ALOX12B: variants seen among roughly 807,000 people sequenced by gnomAD.
ALOX12B encodes arachidonate 12-lipoxygenase, 12R-type.
Under a neutral mutation model 78.9 loss-of-function variants are expected in ALOX12B, and 47 were observed. The observed-to-expected ratio is 0.60, with a 90% confidence interval of 0.47 to 0.76. The LOEUF is 0.76. ALOX12B is among the 30% of genes least tolerant of loss of function. The pLI is 0.00. For synonymous variants in ALOX12B, 370 were observed against 374.5 expected (o/e 0.99, Z 0.14); for missense variants, 805 against 922.6 (o/e 0.87, Z 1.65).
rs150272126 is a variant in ALOX12B at position 8,076,701 on chromosome 17, T to C, written c.1318A>G (p.Ile440Val). ...HTRYTVQINSIGRAVLLNEGG... is the reference protein window; with the variant it reads ...HTRYTVQINSVGRAVLLNEGG... ...TCATTGAGGAGAACGGCCCGGCCAA[T>C]GCTGTTGATCTGGACGGTGTATCGG... Residue 440 changes from isoleucine to valine, a missense_variant, in exon 10 of 15, where the codon ATT becomes GTT. Coordinates refer to ENST00000647874, the MANE Select transcript of ALOX12B (RefSeq NM_001139.3). The C allele has an allele frequency of 6.4e-7, 1 of 1,550,982 alleles. No homozygotes were observed. Among genetic ancestry groups the C allele is most frequent in the Non-Finnish European group, 8.7e-7 (1 of 1,147,096 alleles).
At chr17:8,075,855 G>A in intron 11 of ALOX12B, 139 bp from the exon 12 acceptor site, 1 of 1,410,800 alleles carries the variant, frequency 7.1e-7, no homozygotes, top group South Asian at 1.2e-5. Context: ...AAGTCCTGTG[G>A]GGCAGAAGTG....
chr17:8,076,701 T>A lies in ALOX12B; in HGVS notation c.1318A>T (p.Ile440Phe), dbSNP rs150272126. Residue 440 changes from isoleucine to phenylalanine, a missense_variant, in exon 10 of 15, where the codon ATT becomes TTT. Physicochemically the swap from Ile to Phe is conservative, Grantham distance 21. Coordinates refer to ENST00000647874, the MANE Select transcript of ALOX12B (RefSeq NM_001139.3). ...TCATTGAGGAGAACGGCCCGGCCAA[T>A]GCTGTTGATCTGGACGGTGTATCGG... is the stretch of plus-strand genomic sequence containing the variant. ...HTRYTVQINSIGRAVLLNEGG... is the reference protein window; with the variant it reads ...HTRYTVQINSFGRAVLLNEGG... The A allele has an allele frequency of 1.9e-6, 3 of 1,551,100 alleles. No individual in the cohort carries two copies. The highest frequency in any genetic ancestry group is 2.6e-6 in the Non-Finnish European group (3 of 1,147,088).
At chr17:8,077,406 C>T (rs1977110662) in intron 8 of ALOX12B, among the ~76,000 whole-genome samples, 2 of 152,204 alleles carry the variant, frequency 1.3e-5, no homozygotes, top group South Asian at 4.1e-4. Context: ...TTCCTCTTGC[C>T]CCTGTCTCTA....
At chr17:8,082,479 T>G (rs184291075) in intron 2 of ALOX12B, among the ~76,000 whole-genome samples, 6 of 152,372 alleles carry the variant, frequency 3.9e-5, no homozygotes, top group Admixed American at 3.3e-4. Flanking sequence ...GACACTCCTT[T>G]GAAACCTGGA....
Position 8,080,186 on chromosome 17 carries a change from G to C in ALOX12B, c.754+49C>G, listed in dbSNP as rs752979127. The C allele has an allele frequency of 6.3e-7, 1 of 1,596,364 alleles. No homozygotes were observed. The highest frequency in any genetic ancestry group is 8.6e-7 in the Non-Finnish European group (1 of 1,164,016). On this transcript the variant is annotated intron_variant, in intron 6 of 14. Transcript: ENST00000647874. The surrounding 1 kb of genome is among the most constrained non-coding windows in gnomAD (Gnocchi z 4.8). The stretch of plus-strand genomic sequence containing the variant: ...AAGTCGGGGGCCTGCCTAGCACGCC[G>C]GAGACCGCCTGGCTCCCCCTGCTCG...
rs189074842 is a variant in ALOX12B, at chr17:8,083,274, G to A, written c.353-2087C>T. Among the ~76,000 whole-genome samples, 21 of 152,074 alleles carry A rather than the reference G, an allele frequency of 1.4e-4. 1 individual carries two copies. The highest frequency in any genetic ancestry group is 4.1e-4 in the South Asian group (2 of 4,820). ...TGTATGTAGCTTCTCAATAAAATCC[G>A]AATTTCAAAGCACCCCTGGAATCAA... On this transcript the variant is annotated intron_variant, in intron 2 of 14. Transcript: ENST00000647874.
At position 8,072,744 on chromosome 17, in the gene ALOX12B, G is replaced by C. The variant is rs1424794815; in HGVS notation, c.*27C>G. On this transcript the variant is annotated 3_prime_UTR_variant, in exon 15 of 15. Transcript: ENST00000647874. ...GTTGAAAATAGTAGGGCACAGAATG[G>C]GGAGAGGAGAGACGGGAAGCGCGCT... The C allele has an allele frequency of 3.7e-6, 6 of 1,613,608 alleles. No individual in the cohort carries two copies. The East Asian group carries it at 1.3e-4, about 36-fold the overall frequency.
chr17:8,087,488 T>G lies in ALOX12B; in HGVS notation c.-46A>C, dbSNP rs750389914. The G allele has an allele frequency of 6.2e-7, 1 of 1,613,128 alleles. No individual in the cohort carries two copies. Among genetic ancestry groups the G allele is most frequent in the Admixed American group, 1.7e-5 (1 of 60,008 alleles). On this transcript the variant is annotated 5_prime_UTR_variant, in exon 1 of 15. Transcript: ENST00000647874. ...GAGGGGCACTCAGTCCCAGACACCGTGGAGGGGCCACACGAAGGCCCAAGG... is the reference window on the plus strand; with the variant it reads ...GAGGGGCACTCAGTCCCAGACACCGGGGAGGGGCCACACGAAGGCCCAAGG...
intron 2 of ALOX12B, among the ~76,000 whole-genome samples, chr17:8,083,817 T>G (rs1365965908): frequency 6.6e-6 from 1 of 152,014 alleles, no homozygotes; most frequent in Non-Finnish European, 1.5e-5. Context: ...TGAAGTAGGT[T>G]CTGTTGTTAT....
rs1977197377 is a variant in ALOX12B at position 8,080,707 on chromosome 17, G to A, written c.601C>T (p.Arg201Cys). 6.2e-7 allele frequency: 1 copy of A among 1,614,194 alleles called. No individual in the cohort carries two copies. The highest frequency in any genetic ancestry group is 8.5e-7 in the Non-Finnish European group (1 of 1,180,040). Residue 201 changes from arginine (R) to cysteine (C), a missense_variant, in exon 5 of 15, where the codon CGC becomes TGC. Arg to Cys is a radical substitution (Grantham distance 180). Transcript: ENST00000647874. This position sits in a 1 kb window ranked among gnomAD's most constrained non-coding sequence, Gnocchi z 4.8. ...KATKFLNLNLRYSFLKTASFF... is the reference protein window; with the variant it reads ...KATKFLNLNLCYSFLKTASFF... ...GAGGCCGTCTTGAGGAAGGAGTAGC[G>A]GAGATTTAAGTTCAGGAACTTGGTG...
Position 8,081,178 on chromosome 17 carries a change from G to A in ALOX12B, c.362C>T (p.Thr121Ile), listed in dbSNP as rs767153499. The A allele has an allele frequency of 1.9e-6, 3 of 1,613,976 alleles. No homozygotes were observed. The highest frequency in any genetic ancestry group is 1.7e-6 in the Non-Finnish European group (2 of 1,180,016). The change falls in exon 3 of 15, where the codon ACA becomes ATA. Residue 121 changes from threonine (T) to isoleucine (I), a missense_variant. Transcript: ENST00000647874. ...LALREATGKT[T>I]ADDSLPVLLE... is the part of the protein sequence containing the mutation. ...GAGGACGGGGAGCGAGTCATCTGCT[G>A]TTGTCTTTCCTGTAGGGAGACCAAG... is the stretch of plus-strand genomic sequence containing the variant.
Position 8,079,636 on chromosome 17 carries a change from G to A in ALOX12B, c.928-97C>T. On this transcript the variant is annotated intron_variant, in intron 7 of 14. Coordinates refer to ENST00000647874, the MANE Select transcript of ALOX12B (RefSeq NM_001139.3). The surrounding 1 kb of genome is among the most constrained non-coding windows in gnomAD (Gnocchi z 6.4). ...CAGGGCGCTGGCGACTAGGGGCAGG[G>A]GTGGGACGGGGACAGGGACGCGGGG... 2.6e-6 allele frequency: 4 copies of A among 1,533,822 alleles called. No homozygotes were observed. Among genetic ancestry groups the A allele is most frequent in the Non-Finnish European group, 3.5e-6 (4 of 1,136,378 alleles).
chr17:8,085,889 G>A, intron 2 of ALOX12B, 127 bp downstream of exon 2: 1 of 1,098,070 alleles, frequency 9.1e-7, no homozygotes, highest in Non-Finnish European at 1.4e-6. Flanking sequence ...TGGCAGGAGA[G>A]CCCAGGAGTC....
In ALOX12B at chr17:8,087,469, C is replaced by T; in HGVS notation, c.-27G>A. 6.2e-7 allele frequency: 1 copy of T among 1,613,962 alleles called. No homozygotes were observed. The highest frequency in any genetic ancestry group is 8.5e-7 in the Non-Finnish European group (1 of 1,180,032). Reference sequence around the variant, plus strand: ...GCTGCTCTTCAGGAGGCAAGAGGGGCACTCAGTCCCAGACACCGTGGAGGG... The same window carrying T: ...GCTGCTCTTCAGGAGGCAAGAGGGGTACTCAGTCCCAGACACCGTGGAGGG... On this transcript the variant is annotated 5_prime_UTR_variant, in exon 1 of 15. Coordinates refer to ENST00000647874, the MANE Select transcript of ALOX12B (RefSeq NM_001139.3).
At position 8,087,625 on chromosome 17, in the gene ALOX12B, T is replaced by C; in HGVS notation, c.-183A>G. ...CCTGCCAGCCAAATTCTGGAAAAGCTGCTGCCCTTGGTGGCCGGGGTGGGT... is the reference window on the plus strand; with the variant it reads ...CCTGCCAGCCAAATTCTGGAAAAGCCGCTGCCCTTGGTGGCCGGGGTGGGT... On this transcript the variant is annotated 5_prime_UTR_variant, in exon 1 of 15. Coordinates refer to ENST00000647874, the MANE Select transcript of ALOX12B (RefSeq NM_001139.3). 1 of 1,047,280 alleles carries C rather than the reference T, an allele frequency of 9.5e-7. No homozygotes were observed. Among genetic ancestry groups the C allele is most frequent in the Non-Finnish European group, 1.4e-6 (1 of 719,058 alleles). The allele number at this position is 1,047,280 out of a possible 1,614,324, so 64.9% of individuals were successfully genotyped here. A position where few individuals can be genotyped will look rare whatever the true frequency, so the allele number is the denominator to read the frequency against.
intron 3 of ALOX12B, 29 bp from the exon 4 acceptor site, chr17:8,081,005 A>G (rs1471127971): frequency 6.2e-7 from 1 of 1,613,498 alleles, no homozygotes; most frequent in African/African-American, 1.3e-5. Context: ...TGTCACCCTC[A>G]TGCCCGTGCA....
At position 8,080,208 on chromosome 17, in the gene ALOX12B, C is replaced by T. The variant is rs1443173435; in HGVS notation, c.754+27G>A. 2 of 1,609,672 alleles carry T rather than the reference C, an allele frequency of 1.2e-6. No individual in the cohort carries two copies. Among genetic ancestry groups the T allele is most frequent in the South Asian group, 2.2e-5 (2 of 90,992 alleles). ...GCCGGAGACCGCCTGGCTCCCCCTG[C>T]TCGATCCGGGACGCCCCATTCCATA... On this transcript the variant is annotated intron_variant, in intron 6 of 14. Transcript: ENST00000647874. The surrounding 1 kb of genome is among the most constrained non-coding windows in gnomAD (Gnocchi z 4.8).
rs1355558091 is a variant in ALOX12B, at chr17:8,079,002, A to G, written c.1071+394T>C. ...AAGCTCCGCTTCCTGGGTTCACGCC[A>G]TTTTCCTGCCTCAGCCTCCCGAGTA... is the stretch of plus-strand genomic sequence containing the variant. On this transcript the variant is annotated intron_variant, in intron 8 of 14. Coordinates refer to ENST00000647874, the MANE Select transcript of ALOX12B (RefSeq NM_001139.3). The surrounding 1 kb of genome is among the most constrained non-coding windows in gnomAD (Gnocchi z 6.4). Among the ~76,000 whole-genome samples the G allele has an allele frequency of 6.9e-6, 1 of 144,064 alleles. No homozygotes were observed. Among genetic ancestry groups the G allele is most frequent in the Non-Finnish European group, 1.5e-5 (1 of 67,120 alleles). 94.5% of individuals were successfully genotyped at this position (144,064 alleles called of 152,430 possible). A position where few individuals can be genotyped will look rare whatever the true frequency, so the allele number is the denominator to read the frequency against.
At chr17:8,078,163 T>A (rs1211167387) in intron 8 of ALOX12B, among the ~76,000 whole-genome samples, 1 of 130,204 alleles carries the variant, frequency 7.7e-6, no homozygotes, top group Non-Finnish European at 1.7e-5. Flanking sequence ...TTATTTATTT[T>A]TGAGAAGGAG....
Sources: gnomAD v4.1 joint callset for allele counts (sites outside exome capture counted in the v4.1 genomes callset) on GRCh38, gnomAD v4.1.1 for gene constraint, Gnocchi (gnomAD v3.1) non-coding constraint, MANE v1.5 for transcripts, NCBI Gene and HGNC (gene_info 2026-07-23, HGNC 2026-07-21) for gene names.